The following ARHGAP22 variants were observed in gnomAD, a reference collection of about 807,000 sequenced individuals.
ARHGAP22 encodes the protein Rho GTPase activating protein 22.
ARHGAP22 carries 48 observed loss-of-function variants against 59.1 expected under a neutral mutation model. The observed-to-expected ratio is 0.81, with a 90% CI of 0.64 to 1.03. The LOEUF (loss-of-function observed/expected upper bound fraction) is 1.03, where lower values mean the gene tolerates loss of function less well. ARHGAP22 is among the 50% of genes least tolerant of loss of function. The pLI is 0.00. For synonymous variants in ARHGAP22, 445 were observed against 416.4 expected, an observed-to-expected ratio of 1.07 and a Z score of -0.84; for missense variants, 1,015 against 958.7, an observed-to-expected ratio of 1.06 and a Z score of -0.78.
chr10:48,626,953 G>A (rs535191023), intron 1 of ARHGAP22, among the ~76,000 whole-genome samples: 4 of 152,288 alleles, frequency 2.6e-5, no homozygotes, highest in African/African-American at 9.6e-5. Context: ...GAAGGAGAGA[G>A]GAACTGGAGA....
rs190071502 is a variant in ARHGAP22, at chr10:48,549,579, T to C, written c.322+5884A>G. 3.7e-4 allele frequency among the ~76,000 whole-genome samples: 56 copies of C among 152,270 alleles called. 1 individual carries two copies. The East Asian group carries it at 8.1e-3, about 22-fold the overall frequency. ...GGGAGAGCAGGAGATTTCTGCTTTCTGCTGCAGAGACCTCACCTTCCCCTG... is the reference window on the plus strand; with the variant it reads ...GGGAGAGCAGGAGATTTCTGCTTTCCGCTGCAGAGACCTCACCTTCCCCTG... On this transcript the variant is annotated intron_variant, in intron 3 of 9. Coordinates refer to ENST00000249601, the MANE Select transcript of ARHGAP22 (RefSeq NM_021226.4).
the ARHGAP22 span, chr10:48,436,036 T>C: frequency 6.6e-6 from 1 of 152,180 alleles, no homozygotes; most frequent in Admixed American, 6.5e-5. Context: ...TGAGCACCAG[T>C]TGTTCTGGTG....
chr10:48,604,894 C>G lies in ARHGAP22; in HGVS notation c.-98G>C. ...GCCTAGTCGCCCCTCATGTCCTGCT[C>G]GTTCGGGGCCCCGTGGCCGCTGGCG... is the stretch of plus-strand genomic sequence containing the variant. On this transcript the variant is annotated 5_prime_UTR_variant, in exon 1 of 10. Transcript: ENST00000249601. 6.3e-7 allele frequency: 1 copy of G among 1,594,340 alleles called. No individual in the cohort carries two copies. Among genetic ancestry groups the G allele is most frequent in the South Asian group, 1.1e-5 (1 of 89,648 alleles).
chr10:48,568,445 G>A (rs973363315), intron 2 of ARHGAP22, among the ~76,000 whole-genome samples: 2 of 152,230 alleles, frequency 1.3e-5, no homozygotes, highest in African/African-American at 4.8e-5. Flanking sequence ...ATGTAGAGGG[G>A]CTAAGGGGGA....
At chr10:48,546,212 G>A (rs752591488) in intron 3 of ARHGAP22, among the ~76,000 whole-genome samples, 1 of 152,212 alleles carries the variant, frequency 6.6e-6, no homozygotes, top group Non-Finnish European at 1.5e-5. Flanking sequence ...GGTCTTTTCT[G>A]TCGACATTGC....
rs561750930 is a variant in ARHGAP22 at position 48,641,691 on chromosome 10, G to T, written c.52+10543C>A. ...TCCCTTTGAAAACTGGCACAAGACA[G>T]GGATGCCCTCTCTCACCACTCCTAT... On this transcript the variant is annotated intron_variant, in intron 1 of 9. Coordinates refer to the ARHGAP22 transcript ENST00000435790. 1.5e-3 allele frequency among the ~76,000 whole-genome samples: 229 copies of T among 152,292 alleles called. 1 individual carries two copies. The highest frequency in any genetic ancestry group is 5.1e-3 in the African/African-American group (212 of 41,566).
intron 4 of ARHGAP22, among the ~76,000 whole-genome samples, chr10:48,467,922 TCATTC>T (rs2047877033): frequency 6.6e-6 from 1 of 152,176 alleles, no homozygotes; most frequent in Admixed American, 6.5e-5. Context: ...CGCCTCTTGC[TCATTC>T]TAGGCAGAGC....
At chr10:48,640,683 A>T (rs2062008381) in intron 1 of ARHGAP22, among the ~76,000 whole-genome samples, 1 of 152,254 alleles carries the variant, frequency 6.6e-6, no homozygotes, top group African/African-American at 2.4e-5. Flanking sequence ...AAAGACTGAT[A>T]GAATTCCTTG....
chr10:48,582,256 T>C (rs1441588147), intron 2 of ARHGAP22, among the ~76,000 whole-genome samples: 2 of 152,216 alleles, frequency 1.3e-5, no homozygotes, highest in East Asian at 3.8e-4. Context: ...TTAAGGTCCC[T>C]TCCTGTTTTA....
intron 3 of ARHGAP22, among the ~76,000 whole-genome samples, chr10:48,483,577 T>TG (rs1554868600): frequency 5.1e-4 from 77 of 152,200 alleles, no homozygotes; most frequent in Middle Eastern, 6.8e-3. Flanking sequence ...TCTATTTTTT[T>TG]TGTGTTTTTT....
intron 2 of ARHGAP22, among the ~76,000 whole-genome samples, chr10:48,558,346 T>TTTTG (rs59398775): frequency 1.7e-5 from 2 of 114,514 alleles, no homozygotes; most frequent in Admixed American, 2.1e-4. Flanking sequence ...TAATGTTTTT[T>TTTTG]TTTTGTTTTT....
chr10:48,490,245 C>T (rs1351148376), intron 3 of ARHGAP22, among the ~76,000 whole-genome samples: 1 of 152,106 alleles, frequency 6.6e-6, no homozygotes, highest in Non-Finnish European at 1.5e-5. Context: ...CTAAGTGTTC[C>T]CTTTTATTAT....
At chr10:48,496,459 G>C (rs2050939752) in intron 3 of ARHGAP22, among the ~76,000 whole-genome samples, 1 of 152,168 alleles carries the variant, frequency 6.6e-6, no homozygotes, top group Non-Finnish European at 1.5e-5. Context: ...TCATTTTACA[G>C]ATAAAGAAAC....
intron 5 of ARHGAP22, among the ~76,000 whole-genome samples, chr10:48,457,504 C>T (rs991742765): frequency 7.2e-5 from 11 of 152,208 alleles, no homozygotes; most frequent in Non-Finnish European, 1.0e-4. Flanking sequence ...CCTCCCAGTG[C>T]TCCCTCCCTC....
At chr10:48,558,764 T>G (rs375556945) in intron 2 of ARHGAP22, among the ~76,000 whole-genome samples, 4 of 152,216 alleles carry the variant, frequency 2.6e-5, no homozygotes, top group African/African-American at 9.7e-5. Context: ...TAGGACCATT[T>G]GCATTTCTAA....
chr10:48,638,017 C>G (rs1398736877), intron 1 of ARHGAP22, among the ~76,000 whole-genome samples: 1 of 152,158 alleles, frequency 6.6e-6, no homozygotes, highest in Non-Finnish European at 1.5e-5. Context: ...CTTAAGTAGT[C>G]TCCTGCCTAG....
At position 48,479,526 on chromosome 10, in the gene ARHGAP22, A is replaced by T. The variant is rs372402956; in HGVS notation, c.451+110T>A. On this transcript the variant is annotated intron_variant, in intron 4 of 9. Transcript: ENST00000249601. ...GCCTGCTGTGAGAAGCACAGGATGC[A>T]GCCAGCAAGTCCTCAGTGAGCAGGG... is the stretch of plus-strand genomic sequence containing the variant. 748 of 1,580,576 alleles carry T rather than the reference A, an allele frequency of 4.7e-4. 16 individuals are homozygous for T. The South Asian group carries it at 7.9e-3, about 17-fold the overall frequency.
At chr10:48,613,847 G>A (rs548599029) in intron 1 of ARHGAP22, among the ~76,000 whole-genome samples, 7 of 152,306 alleles carry the variant, frequency 4.6e-5, no homozygotes, top group African/African-American at 1.7e-4. Flanking sequence ...ATTAAGATGT[G>A]AGTCTTTAAA....
intron 1 of ARHGAP22, among the ~76,000 whole-genome samples, chr10:48,641,417 C>A (rs1244452818): frequency 6.6e-6 from 1 of 152,106 alleles, no homozygotes; most frequent in Non-Finnish European, 1.5e-5. Context: ...ACGCTTCATC[C>A]CTGGGATGCA....
Sources: gnomAD v4.1 joint callset for allele counts (sites outside exome capture counted in the v4.1 genomes callset) on GRCh38, gnomAD v4.1.1 for gene constraint, MANE v1.5 for transcripts, NCBI Gene and HGNC (gene_info 2026-07-23, HGNC 2026-07-21) for gene names.